Variants in ADGRL3 observed in about 807,000 individuals in gnomAD.
ADGRL3 encodes calcium-independent alpha-latrotoxin receptor 3.
In ADGRL3, 62 loss-of-function variants were observed where a neutral mutation model predicts 153.5. The observed-to-expected ratio is 0.40, with a 90% CI of 0.33 to 0.50. ADGRL3 has a LOEUF of 0.50. Ranked by LOEUF, ADGRL3 falls within the 20% of genes least tolerant of loss-of-function variation. The pLI, the probability that ADGRL3 is intolerant of heterozygous loss-of-function variation, is 0.47. For synonymous variants in ADGRL3, 710 were observed against 672.5 expected, an observed-to-expected ratio of 1.06 and a Z score of -0.86; for missense variants, 1,641 against 1,859.4, an observed-to-expected ratio of 0.88 and a Z score of 2.16.
At chr4:61,514,794 A>G (rs920276390) in intron 3 of ADGRL3, among the ~76,000 whole-genome samples, 12 of 151,634 alleles carry the variant, frequency 7.9e-5, no homozygotes, top group African/African-American at 2.7e-4. Flanking sequence ...AAGCCAAACA[A>G]CTCTTTCTAG....
chr4:61,432,568 CTCTTCCTTTCTT>C (rs766250327), intron 2 of ADGRL3, among the ~76,000 whole-genome samples: 859 of 38,364 alleles, frequency 0.022, 193 homozygotes, highest in East Asian at 0.034. Flanking sequence ...TCTTTTCTTT[CTCTTCCTTTCTT>C]TCTTTCTTTC....
intron 3 of ADGRL3, among the ~76,000 whole-genome samples, chr4:61,503,944 A>G (rs1407715508): frequency 6.6e-6 from 1 of 151,956 alleles, no homozygotes; most frequent in Non-Finnish European, 1.5e-5. Context: ...ATTCTCATCT[A>G]TTTTATGTTG....
chr4:61,392,723 G>GTAAAAGGAAAAT (rs2096827470), intron 2 of ADGRL3, among the ~76,000 whole-genome samples: 1 of 67,400 alleles, frequency 1.5e-5, no homozygotes, highest in Non-Finnish European at 3.6e-5. Context: ...GGAAAATAAA[G>GTAAAAGGAAAAT]AAAGAGAGAA....
intron 17 of ADGRL3, among the ~76,000 whole-genome samples, chr4:61,975,591 A>T (rs1019461964): frequency 6.6e-6 from 1 of 152,170 alleles, no homozygotes; most frequent in African/African-American, 2.4e-5. Context: ...CGTGTGACTT[A>T]TATATAAAAA....
intron 9 of ADGRL3, among the ~76,000 whole-genome samples, chr4:61,855,336 C>T (rs1233853387): frequency 1.3e-5 from 2 of 151,960 alleles, no homozygotes; most frequent in African/African-American, 4.8e-5. Context: ...AATTAAGAGA[C>T]CAAAATATCA....
intron 2 of ADGRL3, among the ~76,000 whole-genome samples, chr4:61,490,137 G>C (rs983420923): frequency 6.6e-6 from 1 of 151,806 alleles, no homozygotes; most frequent in Admixed American, 6.6e-5. Context: ...AATCCAAAAC[G>C]TTCTTCCTCC....
intron 5 of ADGRL3, among the ~76,000 whole-genome samples, chr4:61,619,380 G>A (rs2092325660): frequency 6.6e-6 from 1 of 151,908 alleles, no homozygotes; most frequent in Non-Finnish European, 1.5e-5. Context: ...GAAATCAGAG[G>A]CAAGAAAATT....
At chr4:61,615,247 A>G (rs200260736) in intron 5 of ADGRL3, among the ~76,000 whole-genome samples, 1 of 152,124 alleles carries the variant, frequency 6.6e-6, no homozygotes. Context: ...TAATTATTAA[A>G]TTATCTTTAA....
intron 1 of ADGRL3, among the ~76,000 whole-genome samples, chr4:61,220,935 A>G (rs1451687788): frequency 1.3e-5 from 2 of 152,198 alleles, no homozygotes; most frequent in African/African-American, 4.8e-5. Context: ...TGGACTGTAA[A>G]ATACAGTTTG....
intron 24 of ADGRL3, among the ~76,000 whole-genome samples, chr4:62,038,662 T>C (rs1398221945): frequency 1.3e-5 from 2 of 152,118 alleles, no homozygotes; most frequent in African/African-American, 4.8e-5. Context: ...AGTGCAGTGG[T>C]ACAATCTCAG....
intron 2 of ADGRL3, among the ~76,000 whole-genome samples, chr4:61,441,992 C>T (rs2097533403): frequency 1.3e-5 from 2 of 152,248 alleles, no homozygotes; most frequent in South Asian, 4.1e-4. Context: ...AAGTAGTACT[C>T]ATCTCAGTAT....
At chr4:61,386,849 A>C (rs952850156) in intron 2 of ADGRL3, among the ~76,000 whole-genome samples, 1 of 152,194 alleles carries the variant, frequency 6.6e-6, no homozygotes, top group African/African-American at 2.4e-5. Flanking sequence ...GTGTCAATTT[A>C]TATTTGCTAG....
intron 2 of ADGRL3, among the ~76,000 whole-genome samples, chr4:61,457,852 A>AGAT (rs1314778320): frequency 1.1e-3 from 31 of 28,986 alleles, no homozygotes; most frequent in Admixed American, 2.8e-3. Flanking sequence ...CACAGATGAC[A>AGAT]GATAGATAGA....
intron 13 of ADGRL3, among the ~76,000 whole-genome samples, chr4:61,926,904 T>C (rs1426788120): frequency 1.3e-5 from 2 of 152,318 alleles, no homozygotes; most frequent in East Asian, 1.9e-4. Flanking sequence ...GTTTTCAGTT[T>C]CTTTGCAGTG....
chr4:62,030,427 T>C (rs1211960478), intron 22 of ADGRL3, among the ~76,000 whole-genome samples: 3 of 151,590 alleles, frequency 2.0e-5, no homozygotes, highest in Non-Finnish European at 4.4e-5. Context: ...TCTACTGATT[T>C]GGTCCTGTTC....
chr4:62,070,709 C>T lies in ADGRL3; in HGVS notation c.4433C>T (p.Pro1478Leu), dbSNP rs186336773. 4.3e-5 allele frequency: 67 copies of T among 1,551,606 alleles called. No homozygotes were observed. In the East Asian group the frequency reaches 5.4e-4, roughly 12 times the overall value. Residue 1478 changes from proline to leucine, a missense_variant, in exon 27 of 27, where the codon CCG (proline) becomes CTG (leucine). Transcript: ENST00000683033. ...VTTSTQTEPPPAKCGDAEDVY... is the reference protein window; with the variant it reads ...VTTSTQTEPPLAKCGDAEDVY... ...ACCAGCACCCAGACCGAACCCCCACCGGCCAAATGTGGTGATGCCGAAGAT... is the reference window on the plus strand; with the variant it reads ...ACCAGCACCCAGACCGAACCCCCACTGGCCAAATGTGGTGATGCCGAAGAT...
At chr4:61,518,361 A>G (rs532750169) in intron 4 of ADGRL3, among the ~76,000 whole-genome samples, 1 of 149,210 alleles carries the variant, frequency 6.7e-6, no homozygotes, top group Non-Finnish European at 1.5e-5. Flanking sequence ...AAACACAGTC[A>G]CTATTCTGAC....
intron 1 of ADGRL3, among the ~76,000 whole-genome samples, chr4:61,273,498 T>C (rs1013733622): frequency 2.0e-4 from 31 of 152,186 alleles, no homozygotes; most frequent in African/African-American, 7.2e-4. Flanking sequence ...TATGCTTGCA[T>C]GGAAAGGCCT....
At chr4:61,649,211 A>T (rs774237357) in intron 5 of ADGRL3, among the ~76,000 whole-genome samples, 2 of 152,048 alleles carry the variant, frequency 1.3e-5, no homozygotes, top group Non-Finnish European at 2.9e-5. Flanking sequence ...TATGGATGTA[A>T]CATCGCTTAT....
Sources: gnomAD v4.1 joint callset for allele counts (sites outside exome capture counted in the v4.1 genomes callset) on GRCh38, gnomAD v4.1.1 for gene constraint, MANE v1.5 for transcripts, NCBI Gene and HGNC (gene_info 2026-07-23, HGNC 2026-07-21) for gene names.